MCC: variants seen among roughly 807,000 people sequenced by gnomAD.
MCC encodes the protein colorectal mutant cancer protein.
Under a neutral mutation model 116.2 loss-of-function variants are expected in MCC, and 90 were observed. The ratio of observed to expected loss-of-function variants is 0.77; its 90% CI spans 0.65 to 0.92. The LOEUF is 0.92. MCC is among the 40% of genes least tolerant of loss of function. The pLI is 0.00. For synonymous variants in MCC, 578 were observed against 510.5 expected (o/e 1.13, Z -1.78); for missense variants, 1,516 against 1,312.2 (o/e 1.16, Z -2.40).
At chr5:113,036,731 G>A (rs1374311540) in intron 17 of MCC, among the ~76,000 whole-genome samples, 1 of 152,144 alleles carries the variant, frequency 6.6e-6, no homozygotes. Flanking sequence ...GCCTTTATGA[G>A]GTCCCAGGCA....
intron 1 of MCC, among the ~76,000 whole-genome samples, chr5:113,399,224 G>T (rs1426692921): frequency 2.6e-5 from 4 of 152,180 alleles, no homozygotes; most frequent in African/African-American, 9.6e-5. Context: ...GGTGGCTCAC[G>T]CCTGTAATCC....
At chr5:113,077,031 A>C (rs1479790808) in intron 11 of MCC, among the ~76,000 whole-genome samples, 1 of 152,210 alleles carries the variant, frequency 6.6e-6, no homozygotes, top group African/African-American at 2.4e-5. Context: ...AACAGACTTT[A>C]AACCAACAAA....
Position 113,049,319 on chromosome 5 carries a change from G to C in MCC, c.2449-20C>G, listed in dbSNP as rs1752334092. 1.9e-6 allele frequency: 3 copies of C among 1,546,712 alleles called. No homozygotes were observed. The highest frequency in any genetic ancestry group is 1.7e-4 in the Middle Eastern group (1 of 5,902). On this transcript the variant is annotated intron_variant, in intron 15 of 18. Coordinates refer to ENST00000408903, the MANE Select transcript of MCC (RefSeq NM_001085377.2). ...CTCCTCCTACAGACAAAGGAGCACA[G>C]AGCACATGAGGCATGCCCTATCTGA...
At chr5:113,327,232 T>TG (rs1767578325) in intron 3 of MCC, among the ~76,000 whole-genome samples, 2 of 151,892 alleles carry the variant, frequency 1.3e-5, no homozygotes, top group East Asian at 1.9e-4. Context: ...ATGTGTGTGT[T>TG]GGGGGGTGGG....
intron 1 of MCC, among the ~76,000 whole-genome samples, chr5:113,420,092 T>C (rs905118877): frequency 6.8e-5 from 9 of 131,708 alleles, no homozygotes; most frequent in Admixed American, 5.7e-4. Flanking sequence ...ATGAATTATA[T>C]CTCAATTGAA....
At chr5:113,054,548 G>A (rs768629385) in intron 14 of MCC, among the ~76,000 whole-genome samples, 1 of 152,074 alleles carries the variant, frequency 6.6e-6, no homozygotes, top group Non-Finnish European at 1.5e-5. Context: ...TGTGGCAGCC[G>A]TCCCTGCGGA....
intron 3 of MCC, among the ~76,000 whole-genome samples, chr5:113,291,349 G>A (rs1766488223): frequency 6.6e-6 from 1 of 152,150 alleles, no homozygotes; most frequent in Admixed American, 6.5e-5. Flanking sequence ...TCACTAACAG[G>A]ATCAGCAGAT....
At position 113,434,640 on chromosome 5, in the gene MCC, A is replaced by G; in HGVS notation, c.171-49428T>C. On this transcript the variant is annotated intron_variant, in intron 1 of 18. Transcript: ENST00000408903. This position sits in a 1 kb window ranked among gnomAD's most constrained non-coding sequence, Gnocchi z 4.2. ...GGTCTTAATGATGGAGCAGTGGTTT[A>G]ACATGGCCAGAATCTCAATTTCCCG... 1 of 1,613,982 alleles carries G rather than the reference A, an allele frequency of 6.2e-7. No individual in the cohort carries two copies. Among genetic ancestry groups the G allele is most frequent in the Non-Finnish European group, 8.5e-7 (1 of 1,179,888 alleles).
chr5:113,472,610 A>G (rs1305462982), intron 1 of MCC, among the ~76,000 whole-genome samples: 1 of 152,260 alleles, frequency 6.6e-6, no homozygotes, highest in Non-Finnish European at 1.5e-5. Flanking sequence ...AAATTCTGTA[A>G]GTATGGAAGA....
intron 11 of MCC, among the ~76,000 whole-genome samples, chr5:113,080,821 A>C (rs1386221882): frequency 2.3e-4 from 34 of 145,986 alleles, no homozygotes; most frequent in East Asian, 5.8e-4. Flanking sequence ...ACAACAAAAA[A>C]AAAAAAGAAA....
Position 113,266,168 on chromosome 5 carries a change from G to T in MCC, c.627+74351C>A, listed in dbSNP as rs1035328521. On this transcript the variant is annotated intron_variant, in intron 3 of 18. Transcript: ENST00000408903. ...CCCTAAAAAATAACTATATTATTTT[G>T]GTCCTGGCTGGAGTCAACCTCTACC... is the stretch of plus-strand genomic sequence containing the variant. 1.8e-4 allele frequency among the ~76,000 whole-genome samples: 27 copies of T among 151,758 alleles called. 4 individuals carry two copies. Among genetic ancestry groups the T allele is most frequent in the Admixed American group, 7.2e-4 (11 of 15,222 alleles).
intron 1 of MCC, among the ~76,000 whole-genome samples, chr5:113,469,847 T>C (rs1338305319): frequency 4.6e-5 from 7 of 152,210 alleles, no homozygotes; most frequent in African/African-American, 7.2e-5. Context: ...AAGGACTTGC[T>C]TTATGAATCT....
chr5:113,360,816 C>T (rs1768526572), intron 2 of MCC, among the ~76,000 whole-genome samples: 1 of 152,184 alleles, frequency 6.6e-6, no homozygotes, highest in South Asian at 2.1e-4. Flanking sequence ...GACTTGGCCA[C>T]CTTGCCTGCC....
chr5:113,125,628 G>GATTGC (rs1285950490), intron 5 of MCC, among the ~76,000 whole-genome samples: 5 of 152,214 alleles, frequency 3.3e-5, no homozygotes, highest in African/African-American at 1.2e-4. Flanking sequence ...CTCGATTTAT[G>GATTGC]ATTGCAGTAT....
chr5:113,163,278 T>A (rs1326245290), intron 3 of MCC, among the ~76,000 whole-genome samples: 1 of 152,200 alleles, frequency 6.6e-6, no homozygotes, highest in Non-Finnish European at 1.5e-5. Flanking sequence ...ACAAAGGTCA[T>A]CTATTCATGA....
At chr5:113,401,589 T>C (rs1769688021) in intron 1 of MCC, among the ~76,000 whole-genome samples, 1 of 152,136 alleles carries the variant, frequency 6.6e-6, no homozygotes, top group African/African-American at 2.4e-5. Flanking sequence ...AACCTGTATG[T>C]CTGACCTCCG....
chr5:113,245,062 C>A (rs1295798664), intron 3 of MCC, among the ~76,000 whole-genome samples: 1 of 152,124 alleles, frequency 6.6e-6, no homozygotes, highest in African/African-American at 2.4e-5. Flanking sequence ...GAGGCTGAGG[C>A]AGGCAGATCA....
chr5:113,438,371 C>T (rs1770926888), intron 1 of MCC, among the ~76,000 whole-genome samples: 1 of 152,112 alleles, frequency 6.6e-6, no homozygotes. Context: ...GGTTTTAAAT[C>T]CCAGGGGCCA....
rs1454295306 is a variant in MCC, at chr5:113,085,253, C to G, written c.1456G>C (p.Gly486Arg). ...GGGCGGTTGGTGGAAGTGAGGCGGC[C>G]AGGGCTGGAGGGACCTGTGGCCTGC... ...SVQATGPSSP[G>R]RLTSTNRPIN... The change falls in exon 9 of 19, where the codon GGC becomes CGC. Residue 486 changes from glycine to arginine, a missense_variant. Physicochemically the swap from Gly to Arg is moderately radical, Grantham distance 125 (BLOSUM62 -2). Transcript: ENST00000408903. 2.5e-6 allele frequency: 4 copies of G among 1,614,028 alleles called. No homozygotes were observed. In the Admixed American group the frequency reaches 5.0e-5, roughly 20 times the overall value.
Sources: allele counts gnomAD v4.1 joint callset (sites outside exome capture counted in the v4.1 genomes callset), GRCh38; gene constraint gnomAD v4.1.1; non-coding constraint Gnocchi (gnomAD v3.1); transcripts MANE v1.5; gene names NCBI Gene and HGNC (gene_info 2026-07-23, HGNC 2026-07-21).